Variants in SGCD observed in about 807,000 individuals in gnomAD.
SGCD encodes delta-sarcoglycan.
SGCD carries 18 observed loss-of-function variants against 36.6 expected under a neutral mutation model. The observed-to-expected ratio is 0.49, with a 90% CI of 0.34 to 0.73. The LOEUF is 0.73. Among genes scored for constraint, SGCD ranks in the 30% least tolerant of loss-of-function variants. The pLI, the probability that SGCD is intolerant of heterozygous loss-of-function variation, is 0.01. For synonymous variants in SGCD, 133 were observed against 130.6 expected (o/e 1.02, Z -0.12); for missense variants, 387 against 346.7 (o/e 1.12, Z -0.92).
intron 6 of SGCD, among the ~76,000 whole-genome samples, chr5:156,614,532 C>T (rs1761952542): frequency 6.6e-6 from 1 of 152,234 alleles, no homozygotes; most frequent in Admixed American, 6.5e-5. Context: ...TCCTAAGTCT[C>T]TGACCATTCG....
intron 7 of SGCD, among the ~76,000 whole-genome samples, chr5:156,740,710 C>A (rs780179885): frequency 1.3e-4 from 20 of 152,174 alleles, no homozygotes; most frequent in Non-Finnish European, 2.4e-4. Flanking sequence ...TCTGCTAAGT[C>A]AGTCTACGTC....
chr5:156,364,231 C>G (rs1342022980), intron 3 of SGCD, among the ~76,000 whole-genome samples: 2 of 152,140 alleles, frequency 1.3e-5, no homozygotes, highest in African/African-American at 4.8e-5. Flanking sequence ...TCAAAATGGT[C>G]AGTATATATG....
chr5:156,126,024 C>G (rs1053713321), intron 3 of SGCD, among the ~76,000 whole-genome samples: 1 of 151,696 alleles, frequency 6.6e-6, no homozygotes, highest in African/African-American at 2.4e-5. Context: ...ATTGCAGGCG[C>G]CTGCCACCAC....
chr5:156,522,017 A>G (rs1376586380), intron 4 of SGCD, among the ~76,000 whole-genome samples: 1 of 152,222 alleles, frequency 6.6e-6, no homozygotes, highest in African/African-American at 2.4e-5. Context: ...ATGCAGCCAT[A>G]AAAAAGGATG....
chr5:156,171,914 C>A (rs184298050), intron 3 of SGCD, among the ~76,000 whole-genome samples: 1 of 152,128 alleles, frequency 6.6e-6, no homozygotes, highest in East Asian at 1.9e-4. Flanking sequence ...CAGTCAGTAA[C>A]CCTAGGGAGT....
At chr5:156,435,894 CTT>C (rs1753221017) in intron 3 of SGCD, among the ~76,000 whole-genome samples, 1 of 152,146 alleles carries the variant, frequency 6.6e-6, no homozygotes, top group Non-Finnish European at 1.5e-5. Context: ...CGCAGGCTAC[CTT>C]CTGTCCAAGA....
At chr5:155,948,394 A>C (rs1757483887) in intron 1 of SGCD, among the ~76,000 whole-genome samples, 1 of 152,232 alleles carries the variant, frequency 6.6e-6, no homozygotes, top group Non-Finnish European at 1.5e-5. Flanking sequence ...AGTCGGAAGC[A>C]GGTATTTGTG....
At chr5:156,654,838 A>G (rs901072522) in intron 7 of SGCD, among the ~76,000 whole-genome samples, 17 of 152,302 alleles carry the variant, frequency 1.1e-4, no homozygotes, top group African/African-American at 3.4e-4. Flanking sequence ...TCCAAAGTTA[A>G]CATCTTACAT....
intron 1 of SGCD, among the ~76,000 whole-genome samples, chr5:155,937,926 G>C (rs1033498837): frequency 6.6e-6 from 1 of 152,226 alleles, no homozygotes; most frequent in African/African-American, 2.4e-5. Flanking sequence ...TCACAAGTTT[G>C]ATGATTTACC....
At chr5:156,432,085 T>C (rs1365561210) in intron 3 of SGCD, among the ~76,000 whole-genome samples, 2 of 152,194 alleles carry the variant, frequency 1.3e-5, no homozygotes, top group African/African-American at 4.8e-5. Flanking sequence ...GGGCCGGTAC[T>C]GGGGAATATC....
chr5:156,519,774 T>C (rs941158175), intron 4 of SGCD, among the ~76,000 whole-genome samples: 5 of 152,136 alleles, frequency 3.3e-5, no homozygotes, highest in South Asian at 2.1e-4. Context: ...CACATGATTA[T>C]CTCAATAGAC....
intron 2 of SGCD, among the ~76,000 whole-genome samples, chr5:156,336,833 G>A (rs977444138): frequency 2.0e-5 from 3 of 151,988 alleles, no homozygotes; most frequent in East Asian, 1.9e-4. Flanking sequence ...ATTTGTTTTC[G>A]GTAAAAGTTT....
intron 3 of SGCD, among the ~76,000 whole-genome samples, chr5:156,373,780 G>T (rs1382020308): frequency 6.6e-6 from 1 of 152,180 alleles, no homozygotes; most frequent in Non-Finnish European, 1.5e-5. Context: ...CAGACCAAGG[G>T]CTGTTGCTAG....
At chr5:156,577,161 T>C (rs1759996485) in intron 4 of SGCD, among the ~76,000 whole-genome samples, 1 of 152,222 alleles carries the variant, frequency 6.6e-6, no homozygotes, top group African/African-American at 2.4e-5. Flanking sequence ...CCAGCACCAT[T>C]TATTAAATAG....
intron 3 of SGCD, among the ~76,000 whole-genome samples, chr5:156,460,018 A>T (rs1302562529): frequency 6.6e-6 from 1 of 152,188 alleles, no homozygotes; most frequent in Non-Finnish European, 1.5e-5. Context: ...TCACTAATGG[A>T]TTGATACCAT....
At chr5:156,164,137 C>G (rs1763156769) in intron 3 of SGCD, among the ~76,000 whole-genome samples, 1 of 151,238 alleles carries the variant, frequency 6.6e-6, no homozygotes, top group African/African-American at 2.5e-5. Flanking sequence ...TAAAATGAGT[C>G]TATTTACAGT....
the SGCD span, among the ~76,000 whole-genome samples, chr5:155,792,294 A>T: frequency 1.3e-5 from 2 of 152,130 alleles, no homozygotes; most frequent in South Asian, 2.1e-4. Flanking sequence ...CTCAATAAAA[A>T]TCCTGGAAGA....
chr5:155,751,562 T>C, the SGCD span, among the ~76,000 whole-genome samples: 2 of 152,056 alleles, frequency 1.3e-5, no homozygotes, highest in Non-Finnish European at 2.9e-5. Flanking sequence ...AATTTTTCTA[T>C]ATTTTTGGTA....
the SGCD span, among the ~76,000 whole-genome samples, chr5:155,747,789 G>A: frequency 6.6e-6 from 1 of 152,074 alleles, no homozygotes; most frequent in East Asian, 1.9e-4. Flanking sequence ...CCCCTTATCT[G>A]TCTTGGCCAA....
Sources: gnomAD v4.1 joint callset for allele counts (sites outside exome capture counted in the v4.1 genomes callset) on GRCh38, gnomAD v4.1.1 for gene constraint, MANE v1.5 for transcripts, NCBI Gene and HGNC (gene_info 2026-07-23, HGNC 2026-07-21) for gene names.